PRKD1: variants seen among roughly 807,000 people sequenced by gnomAD.
The protein encoded by PRKD1 is protein kinase D1, also known as serine/threonine-protein kinase D1.
In PRKD1, 63 loss-of-function variants were observed where a neutral mutation model predicts 95.9. That is an observed-to-expected ratio of 0.66 (90% CI 0.54 to 0.81). PRKD1 has a LOEUF of 0.81. PRKD1 is among the 30% of genes least tolerant of loss of function. The probability of loss-of-function intolerance (pLI) is 0.00; values close to 1 mark genes in which losing one functional copy is unlikely to be tolerated. For missense variants in PRKD1, 1,048 were observed against 1,165.3 expected, an observed-to-expected ratio of 0.90 and a Z score of 1.47; for synonymous variants, 425 against 423.1, an observed-to-expected ratio of 1.00 and a Z score of -0.05.
chr14:29,684,936 ACC>A (rs1883769982), intron 2 of PRKD1, among the ~76,000 whole-genome samples: 1 of 152,156 alleles, frequency 6.6e-6, no homozygotes, highest in African/African-American at 2.4e-5. Context: ...ATTCCAAAAG[ACC>A]CTTTTCCCCC....
intron 1 of PRKD1, among the ~76,000 whole-genome samples, chr14:29,777,790 A>G (rs1281875281): frequency 2.0e-5 from 3 of 152,166 alleles, no homozygotes; most frequent in Non-Finnish European, 2.9e-5. Flanking sequence ...TGCACCAAGC[A>G]GACATAATAG....
chr14:29,835,859 A>G (rs1891593224), intron 1 of PRKD1, among the ~76,000 whole-genome samples: 1 of 152,294 alleles, frequency 6.6e-6, no homozygotes. Context: ...GTGAGCCACC[A>G]CACCCAGCCT....
chr14:29,911,157 G>C (rs894136231), intron 1 of PRKD1, among the ~76,000 whole-genome samples: 1 of 152,086 alleles, frequency 6.6e-6, no homozygotes, highest in Non-Finnish European at 1.5e-5. Context: ...TATTAGGTGT[G>C]TAAGAACTAC....
intron 2 of PRKD1, among the ~76,000 whole-genome samples, chr14:29,709,732 T>A (rs1885254162): frequency 6.6e-6 from 1 of 152,074 alleles, no homozygotes; most frequent in African/African-American, 2.4e-5. Context: ...GAGCAAAATT[T>A]CCCTAGTCAT....
chr14:29,700,865 C>A (rs1170024439), intron 2 of PRKD1, among the ~76,000 whole-genome samples: 1 of 152,156 alleles, frequency 6.6e-6, no homozygotes, highest in Non-Finnish European at 1.5e-5. Context: ...GCTACCCTAT[C>A]CTACAGATTT....
At chr14:29,840,999 G>A (rs1891819129) in intron 1 of PRKD1, among the ~76,000 whole-genome samples, 1 of 152,344 alleles carries the variant, frequency 6.6e-6, no homozygotes, top group East Asian at 1.9e-4. Context: ...GAGACATGGA[G>A]TCAAAGAGGA....
intron 1 of PRKD1, among the ~76,000 whole-genome samples, chr14:29,817,882 CAGTT>C (rs1209703943): frequency 3.9e-5 from 6 of 152,014 alleles, no homozygotes; most frequent in African/African-American, 1.4e-4. Flanking sequence ...TTTTTCTTCT[CAGTT>C]AAAGGCAACT....
chr14:29,653,461 TA>T (rs869244449), intron 4 of PRKD1, among the ~76,000 whole-genome samples: 4 of 152,212 alleles, frequency 2.6e-5, no homozygotes, highest in South Asian at 2.1e-4. Flanking sequence ...TTTAATTTTT[TA>T]AAAAAAATCC....
intron 1 of PRKD1, among the ~76,000 whole-genome samples, chr14:29,761,054 T>C (rs1366231089): frequency 6.6e-6 from 1 of 152,138 alleles, no homozygotes; most frequent in African/African-American, 2.4e-5. Context: ...CATCTTCCTG[T>C]TTCACCCTTC....
chr14:29,914,621 C>A (rs923533695), intron 1 of PRKD1, among the ~76,000 whole-genome samples: 18 of 152,116 alleles, frequency 1.2e-4, no homozygotes, highest in Admixed American at 9.8e-4. Context: ...GTAATCCCAG[C>A]TACTCAGGAG....
chr14:29,714,935 A>C (rs1343998568), intron 2 of PRKD1, among the ~76,000 whole-genome samples: 1 of 152,058 alleles, frequency 6.6e-6, no homozygotes, highest in Non-Finnish European at 1.5e-5. Context: ...AGGGAGGGGA[A>C]CAATCACACA....
chr14:29,832,679 T>C (rs145901573), intron 1 of PRKD1, among the ~76,000 whole-genome samples: 11 of 152,270 alleles, frequency 7.2e-5, no homozygotes. Context: ...GTTCCTTTTT[T>C]GCATTGAGCA....
chr14:29,596,549 G>C (rs1320511262), intron 16 of PRKD1, among the ~76,000 whole-genome samples: 1 of 152,124 alleles, frequency 6.6e-6, no homozygotes, highest in Non-Finnish European at 1.5e-5. Context: ...CACCTCCCTG[G>C]TTCAAGCGCT....
At chr14:29,694,397 A>T (rs1378296153) in intron 2 of PRKD1, among the ~76,000 whole-genome samples, 1 of 152,230 alleles carries the variant, frequency 6.6e-6, no homozygotes, top group Non-Finnish European at 1.5e-5. Flanking sequence ...GCTTAATAGC[A>T]GCTTAATATG....
intron 1 of PRKD1, among the ~76,000 whole-genome samples, chr14:29,786,717 G>A (rs1889290781): frequency 6.6e-6 from 1 of 151,764 alleles, no homozygotes; most frequent in Admixed American, 6.6e-5. Flanking sequence ...TATTTATTTG[G>A]GTTTTCTCTC....
intron 3 of PRKD1, 40 bp from the exon 4 acceptor site, chr14:29,663,899 A>T (rs749573665): frequency 1.3e-6 from 2 of 1,582,282 alleles, no homozygotes; most frequent in Non-Finnish European, 1.7e-6. Flanking sequence ...TTGAACCATA[A>T]ATTAAAAAGT....
intron 2 of PRKD1, among the ~76,000 whole-genome samples, chr14:29,717,771 T>G (rs1885696003): frequency 6.6e-6 from 1 of 152,132 alleles, no homozygotes; most frequent in Non-Finnish European, 1.5e-5. Context: ...AAAATGTGCA[T>G]AAAATTTTCA....
At chr14:29,671,278 G>A (rs1882827298) in intron 2 of PRKD1, among the ~76,000 whole-genome samples, 1 of 152,064 alleles carries the variant, frequency 6.6e-6, no homozygotes, top group South Asian at 2.1e-4. Context: ...GACTGCCCAG[G>A]GAACTGTCTG....
At chr14:29,752,360 T>C (rs1270226908) in intron 1 of PRKD1, among the ~76,000 whole-genome samples, 1 of 152,046 alleles carries the variant, frequency 6.6e-6, no homozygotes, top group Non-Finnish European at 1.5e-5. Context: ...AAAAGGATAA[T>C]AAATTATTTT....
Sources: gnomAD v4.1 joint callset for allele counts (sites outside exome capture counted in the v4.1 genomes callset) on GRCh38, gnomAD v4.1.1 for gene constraint, MANE v1.5 for transcripts, NCBI Gene and HGNC (gene_info 2026-07-23, HGNC 2026-07-21) for gene names.